Variants in BCKDHB observed in about 807,000 individuals in gnomAD.
The protein encoded by BCKDHB is 2-oxoisovalerate dehydrogenase subunit beta, mitochondrial.
In BCKDHB, 41 loss-of-function variants were observed where a neutral mutation model predicts 48.5. The ratio of observed to expected loss-of-function variants is 0.85; its 90% confidence interval spans 0.66 to 1.10. The LOEUF (loss-of-function observed/expected upper bound fraction) is 1.10, where lower values mean the gene tolerates loss of function less well. Among genes scored for constraint, BCKDHB ranks in the 50% least tolerant of loss-of-function variants. The pLI is 0.00. For synonymous variants in BCKDHB, 201 were observed against 174.8 expected, an observed-to-expected ratio of 1.15 and a Z score of -1.18; for missense variants, 496 against 494.2, an observed-to-expected ratio of 1.00 and a Z score of -0.03.
At chr6:80,192,905 A>G (rs1276186744) in intron 6 of BCKDHB, among the ~76,000 whole-genome samples, 2 of 150,552 alleles carry the variant, frequency 1.3e-5, no homozygotes, top group Non-Finnish European at 2.9e-5. Flanking sequence ...TGCAACCTCC[A>G]TCTCCCAGGT....
At chr6:80,186,683 G>A (rs1341373726) in intron 6 of BCKDHB, among the ~76,000 whole-genome samples, 1 of 152,094 alleles carries the variant, frequency 6.6e-6, no homozygotes, top group Non-Finnish European at 1.5e-5. Flanking sequence ...TCATCCTATG[G>A]CCCCTCCCTA....
chr6:80,307,886 T>C (rs1037832223), intron 9 of BCKDHB: 2 of 971,832 alleles, frequency 2.1e-6, no homozygotes, highest in Non-Finnish European at 2.4e-6. Context: ...ATAATTAAAT[T>C]AAAAACATAA....
chr6:80,248,220 A>G (rs1217039763), intron 8 of BCKDHB, among the ~76,000 whole-genome samples: 1 of 152,128 alleles, frequency 6.6e-6, no homozygotes, highest in Non-Finnish European at 1.5e-5. Context: ...ACAGTGTCCA[A>G]GGTCATCTGT....
rs184348260 is a variant in BCKDHB, at chr6:80,316,686, G to T, written c.1039-26978G>T. On this transcript the variant is annotated intron_variant, in intron 9 of 9. Coordinates refer to ENST00000320393, the MANE Select transcript of BCKDHB (RefSeq NM_183050.4). ...TTTTCTTTGCCTAGAAGGAATGGAA[G>T]AAATGAGAGGAAACTGATCTCATTT... 2.0e-5 allele frequency among the ~76,000 whole-genome samples: 3 copies of T among 152,294 alleles called. No homozygotes were observed. In the East Asian group the frequency reaches 5.8e-4, roughly 29 times the overall value.
At chr6:80,116,263 G>T (rs929843506) in intron 1 of BCKDHB, among the ~76,000 whole-genome samples, 4 of 152,028 alleles carry the variant, frequency 2.6e-5, no homozygotes, top group African/African-American at 7.2e-5. Flanking sequence ...CCTCTCATTT[G>T]CCCCCCTCCT....
chr6:80,247,975 A>G (rs1776683708), intron 8 of BCKDHB, among the ~76,000 whole-genome samples: 1 of 152,224 alleles, frequency 6.6e-6, no homozygotes, highest in African/African-American at 2.4e-5. Flanking sequence ...ATTGCCTGGT[A>G]ATTAAAAGAC....
the BCKDHB span, among the ~76,000 whole-genome samples, chr6:80,377,425 G>A: frequency 2.4e-4 from 36 of 152,046 alleles, no homozygotes; most frequent in African/African-American, 4.8e-4. Flanking sequence ...TGCCAAAGCC[G>A]AGTTCATGCA....
intron 3 of BCKDHB, 60 bp from the exon 4 acceptor site, chr6:80,167,618 T>A: frequency 6.8e-7 from 1 of 1,479,336 alleles, no homozygotes; most frequent in Admixed American, 1.7e-5. Flanking sequence ...TTTTTAAATG[T>A]ATTATGCATG....
At chr6:80,378,232 C>T in the BCKDHB span, among the ~76,000 whole-genome samples, 2 of 152,132 alleles carry the variant, frequency 1.3e-5, no homozygotes, top group African/African-American at 4.8e-5. Context: ...CACCCTTCTC[C>T]CATGCTCCCT....
chr6:80,452,322 A>G, the BCKDHB span, among the ~76,000 whole-genome samples: 1 of 152,226 alleles, frequency 6.6e-6, no homozygotes, highest in Non-Finnish European at 1.5e-5. Flanking sequence ...TCTTACAGGG[A>G]AGGGAAGAAC....
intron 8 of BCKDHB, among the ~76,000 whole-genome samples, chr6:80,256,300 A>G (rs544474670): frequency 1.4e-4 from 21 of 152,322 alleles, no homozygotes; most frequent in Non-Finnish European, 2.8e-4. Flanking sequence ...ACATGAATCT[A>G]GAACCTAGAT....
chr6:80,155,953 C>T (rs149654693), intron 3 of BCKDHB, among the ~76,000 whole-genome samples: 20 of 150,498 alleles, frequency 1.3e-4, no homozygotes, highest in Non-Finnish European at 2.2e-4. Flanking sequence ...TAAACATTTG[C>T]CACAGCTCCA....
intron 6 of BCKDHB, among the ~76,000 whole-genome samples, chr6:80,196,246 T>C (rs1015089182): frequency 2.0e-5 from 3 of 152,196 alleles, no homozygotes; most frequent in Non-Finnish European, 4.4e-5. Flanking sequence ...TTGAAATATG[T>C]AAATCTGATT....
the BCKDHB span, among the ~76,000 whole-genome samples, chr6:80,433,711 GA>G: frequency 8.8e-5 from 13 of 147,672 alleles, no homozygotes; most frequent in South Asian, 2.1e-4. Flanking sequence ...CTGGTGTATG[GA>G]AAAAAAAAAG....
At chr6:80,424,087 A>G in the BCKDHB span, among the ~76,000 whole-genome samples, 5 of 152,158 alleles carry the variant, frequency 3.3e-5, no homozygotes, top group South Asian at 1.0e-3. Flanking sequence ...GTCAGAAACT[A>G]TAGTTCTGCC....
rs149263128 is a variant in BCKDHB at position 80,267,380 on chromosome 6, C to T, written c.952-5755C>T. The stretch of plus-strand genomic sequence containing the variant: ...CTGAAATTCTACTGGGAAATGGTTA[C>T]GAGTACATAGACAATCTGACAAGAA... On this transcript the variant is annotated intron_variant, in intron 8 of 9. Coordinates refer to ENST00000320393, the MANE Select transcript of BCKDHB (RefSeq NM_183050.4). Among the ~76,000 whole-genome samples the T allele has an allele frequency of 3.7e-3, 566 of 152,066 alleles. 5 individuals are homozygous for T. The highest frequency in any genetic ancestry group is 0.017 in the Middle Eastern group (5 of 294).
At chr6:80,234,498 T>G (rs564580604) in intron 8 of BCKDHB, among the ~76,000 whole-genome samples, 59 of 152,258 alleles carry the variant, frequency 3.9e-4, no homozygotes, top group African/African-American at 1.4e-3. Context: ...CTTACATGTT[T>G]TAGTTTTCAG....
chr6:80,149,615 T>G (rs1291631011), intron 3 of BCKDHB, among the ~76,000 whole-genome samples: 90 of 151,406 alleles, frequency 5.9e-4, no homozygotes, highest in South Asian at 5.5e-3. Flanking sequence ...TAAGAAAATG[T>G]GGCACATATA....
the BCKDHB span, among the ~76,000 whole-genome samples, chr6:80,393,644 T>C: frequency 6.6e-6 from 1 of 152,224 alleles, no homozygotes; most frequent in East Asian, 1.9e-4. Flanking sequence ...AAATGGGCTA[T>C]GACAACACCC....
Sources: gnomAD v4.1 joint callset for allele counts (sites outside exome capture counted in the v4.1 genomes callset) on GRCh38, gnomAD v4.1.1 for gene constraint, MANE v1.5 for transcripts, NCBI Gene and HGNC (gene_info 2026-07-23, HGNC 2026-07-21) for gene names.